The following GTF2A2 variants were observed in gnomAD, a reference collection of about 807,000 sequenced individuals.
GTF2A2 encodes general transcription factor IIA subunit 2, also known as transcription initiation factor IIA subunit 2.
A neutral mutation model predicts 14.3 loss-of-function variants in GTF2A2; 9 were observed. The ratio of observed to expected loss-of-function variants is 0.63; its 90% confidence interval spans 0.38 to 1.10. The LOEUF (loss-of-function observed/expected upper bound fraction) is 1.10, where lower values mean the gene tolerates loss of function less well. Ranked by LOEUF, GTF2A2 falls within the 50% of genes least tolerant of loss-of-function variation. GTF2A2 has a pLI of 0.01. For missense variants in GTF2A2, 90 were observed against 124.6 expected (o/e 0.72, Z 1.32); for synonymous variants, 56 against 46.0 (o/e 1.22, Z -0.88).
intron 3 of GTF2A2, among the ~76,000 whole-genome samples, chr15:59,648,110 T>C (rs1891665892): frequency 6.6e-6 from 1 of 152,136 alleles, no homozygotes; most frequent in Admixed American, 6.5e-5. Flanking sequence ...ACAATGGCTC[T>C]TTAAAAGCCT....
Position 59,639,047 on chromosome 15 carries a change from A to G in GTF2A2, c.*85T>C, listed in dbSNP as rs1891286650. Reference sequence around the variant, plus strand: ...ACAGTGTAGTCATTTCTGCAATTCTAGAATAAATAAAAAGTCTCTTCTATG... The same window carrying G: ...ACAGTGTAGTCATTTCTGCAATTCTGGAATAAATAAAAAGTCTCTTCTATG... On this transcript the variant is annotated 3_prime_UTR_variant, in exon 5 of 5. Transcript: ENST00000396060. 11 of 819,700 alleles carry G rather than the reference A, an allele frequency of 1.3e-5. No homozygotes were observed. The highest frequency in any genetic ancestry group is 2.1e-5 in the Non-Finnish European group (10 of 470,908). The allele number at this position is 819,700 out of a possible 1,614,324, so 50.8% of individuals were successfully genotyped here.
intron 2 of GTF2A2, chr15:59,651,834 G>C (rs546992576): frequency 6.0e-6 from 1 of 167,536 alleles, no homozygotes; most frequent in Non-Finnish European, 1.3e-5. Flanking sequence ...CTATAGGCAT[G>C]CGCCCACACC....
intron 3 of GTF2A2, among the ~76,000 whole-genome samples, chr15:59,643,490 T>G (rs1231772229): frequency 6.6e-6 from 1 of 151,918 alleles, no homozygotes; most frequent in Admixed American, 6.6e-5. Context: ...GTGCTGAGAT[T>G]ACAGGCGTGA....
At chr15:59,654,847 A>G (rs1891896215) in intron 1 of GTF2A2, among the ~76,000 whole-genome samples, 1 of 152,222 alleles carries the variant, frequency 6.6e-6, no homozygotes, top group Non-Finnish European at 1.5e-5. Context: ...TTTGGATTTT[A>G]GAATATCTGC....
intron 4 of GTF2A2, among the ~76,000 whole-genome samples, chr15:59,639,597 G>T (rs1393450536): frequency 1.3e-5 from 2 of 151,164 alleles, no homozygotes; most frequent in Non-Finnish European, 2.9e-5. Flanking sequence ...CGAGTAGCTG[G>T]GACTACAGGT....
Position 59,638,489 on chromosome 15 carries a change from T to C in GTF2A2, c.*643A>G, listed in dbSNP as rs560852239. On this transcript the variant is annotated 3_prime_UTR_variant, in exon 5 of 5. Transcript: ENST00000396060. Reference sequence around the variant, plus strand: ...ATCAATATGGCAAGCTGAAGACACCTGTCATGTGGGGGGACTATTTTGTTT... The same window carrying C: ...ATCAATATGGCAAGCTGAAGACACCCGTCATGTGGGGGGACTATTTTGTTT... 1.3e-5 allele frequency: 2 copies of C among 152,428 alleles called. No homozygotes were observed. Among genetic ancestry groups the C allele is most frequent in the South Asian group, 4.1e-4 (2 of 4,832 alleles). 9.4% of individuals were successfully genotyped at this position (152,428 alleles called of 1,614,324 possible). A position where few individuals can be genotyped will look rare whatever the true frequency, so the allele number is the denominator to read the frequency against.
chr15:59,650,836 AAT>A (rs1891768976), intron 2 of GTF2A2, 63 bp from the exon 3 acceptor site: 2 of 871,130 alleles, frequency 2.3e-6, no homozygotes, highest in South Asian at 2.9e-5. Context: ...AGTAAATAAA[AAT>A]ATACAAATTA....
intron 4 of GTF2A2, among the ~76,000 whole-genome samples, chr15:59,641,327 T>C (rs1049715633): frequency 9.8e-5 from 15 of 152,348 alleles, no homozygotes; most frequent in African/African-American, 3.1e-4. Flanking sequence ...ATGTGCTTTT[T>C]TGTATTCTCT....
At chr15:59,652,386 TATA>T (rs1360683386) in intron 1 of GTF2A2, 60 bp from the exon 2 acceptor site, 5 of 622,692 alleles carry the variant, frequency 8.0e-6, no homozygotes, top group Admixed American at 2.8e-5. Flanking sequence ...AAATTATGTA[TATA>T]ATATCATCTA....
intron 4 of GTF2A2, among the ~76,000 whole-genome samples, chr15:59,640,439 A>ACACTC (rs1324745804): frequency 5.9e-5 from 9 of 152,240 alleles, no homozygotes; most frequent in Non-Finnish European, 1.0e-4. Context: ...ACTGAAACTG[A>ACACTC]CACTCTACTA....
At chr15:59,639,987 G>C (rs1409907046) in intron 4 of GTF2A2, 1 of 152,418 alleles carries the variant, frequency 6.6e-6, no homozygotes, top group African/African-American at 2.4e-5. Context: ...CTGGCCTCAA[G>C]TGATCTACCC....
intron 1 of GTF2A2, 81 bp downstream of exon 1, chr15:59,657,325 C>G (rs1416294586): frequency 6.6e-6 from 1 of 152,492 alleles, no homozygotes; most frequent in African/African-American, 2.4e-5. Context: ...GACTACCCCA[C>G]CAACGCACTC....
At chr15:59,642,289 C>G (rs373021830) in intron 3 of GTF2A2, 27 bp from the exon 4 acceptor site, 5 of 1,554,102 alleles carry the variant, frequency 3.2e-6, no homozygotes, top group African/African-American at 1.4e-5. Flanking sequence ...TTAGAAATAC[C>G]GTGAAACGTT....
At chr15:59,643,072 ATTTTTTTTTTTT>A (rs398043378) in intron 3 of GTF2A2, among the ~76,000 whole-genome samples, 4 of 64,098 alleles carry the variant, frequency 6.2e-5, no homozygotes, top group East Asian at 7.6e-4. Flanking sequence ...GGCCTATATA[ATTTTTTTTTTTT>A]TTTTTTTTTT....
rs1891989593 is a variant in GTF2A2, at chr15:59,657,435, C to A, written c.-79G>T. ...GGGGAAGGCGCTTCCCTCCGCGGAG[C>A]GGACAGAAGCCGCCACGAGCCCGGC... is the stretch of plus-strand genomic sequence containing the variant. On this transcript the variant is annotated 5_prime_UTR_variant, in exon 1 of 5. Coordinates refer to ENST00000396060, the MANE Select transcript of GTF2A2 (RefSeq NM_004492.3). 1.3e-5 allele frequency: 2 copies of A among 152,460 alleles called. No individual in the cohort carries two copies. The highest frequency in any genetic ancestry group is 2.9e-5 in the Non-Finnish European group (2 of 68,222). 9.4% of individuals were successfully genotyped at this position (152,460 alleles called of 1,614,324 possible). A position where few individuals can be genotyped will look rare whatever the true frequency, so the allele number is the denominator to read the frequency against.
chr15:59,639,168 A>G lies in GTF2A2; in HGVS notation c.305-11T>C, dbSNP rs1232838586. ...TATTGGAGCCAGTATCTAGGAAACA[A>G]AAGAGAAAGTAAAGTAAAGTAAATT... On this transcript the variant is annotated splice_polypyrimidine_tract_variant and intron_variant, in intron 4 of 4. Coordinates refer to ENST00000396060, the MANE Select transcript of GTF2A2 (RefSeq NM_004492.3). 1.4e-6 allele frequency: 2 copies of G among 1,432,754 alleles called. No individual in the cohort carries two copies. The highest frequency in any genetic ancestry group is 2.0e-6 in the Non-Finnish European group (2 of 1,019,398). 88.8% of individuals were successfully genotyped at this position (1,432,754 alleles called of 1,614,324 possible).
intron 3 of GTF2A2, among the ~76,000 whole-genome samples, chr15:59,649,200 G>A (rs1356084027): frequency 6.6e-6 from 1 of 152,182 alleles, no homozygotes; most frequent in Non-Finnish European, 1.5e-5. Flanking sequence ...CAAGTTGGCT[G>A]TAACCCAGGA....
At chr15:59,640,447 C>G (rs983224931) in intron 4 of GTF2A2, among the ~76,000 whole-genome samples, 1 of 152,214 alleles carries the variant, frequency 6.6e-6, no homozygotes, top group Non-Finnish European at 1.5e-5. Flanking sequence ...TGACACTCTA[C>G]TAGTCTACAT....
intron 3 of GTF2A2, among the ~76,000 whole-genome samples, chr15:59,649,383 A>G (rs1014878038): frequency 1.3e-5 from 2 of 152,232 alleles, no homozygotes; most frequent in Non-Finnish European, 2.9e-5. Flanking sequence ...AACTCTAGCT[A>G]AAGAAATCCA....
Sources: allele counts gnomAD v4.1 joint callset (sites outside exome capture counted in the v4.1 genomes callset), GRCh38; gene constraint gnomAD v4.1.1; transcripts MANE v1.5; gene names NCBI Gene and HGNC (gene_info 2026-07-23, HGNC 2026-07-21).